Variants in METAP1D observed in about 807,000 individuals in gnomAD.
METAP1D encodes methionine aminopeptidase 1D, mitochondrial.
Under a neutral mutation model 40.5 loss-of-function variants are expected in METAP1D, and 31 were observed. The observed-to-expected ratio is 0.77, with a 90% CI of 0.58 to 1.03. METAP1D has a LOEUF of 1.03. METAP1D is among the 50% of genes least tolerant of loss of function. The probability of loss-of-function intolerance (pLI) is 0.00; values close to 1 mark genes in which losing one functional copy is unlikely to be tolerated. For missense variants in METAP1D, 411 were observed against 420.7 expected, an observed-to-expected ratio of 0.98 and a Z score of 0.20; for synonymous variants, 151 against 146.4, an observed-to-expected ratio of 1.03 and a Z score of -0.22.
intron 1 of METAP1D, among the ~76,000 whole-genome samples, chr2:172,021,146 G>A (rs553783137): frequency 7.2e-5 from 11 of 151,832 alleles, no homozygotes; most frequent in South Asian, 6.2e-4. Flanking sequence ...TCACTTCTTC[G>A]TTTTAATTTT....
chr2:172,045,243 A>C (rs1390699403), intron 1 of METAP1D, among the ~76,000 whole-genome samples: 1 of 134,526 alleles, frequency 7.4e-6, no homozygotes, highest in Non-Finnish European at 1.7e-5. Flanking sequence ...CTTGTAAAAA[A>C]CACATTATAT....
Position 172,065,632 on chromosome 2 carries a change from C to T in METAP1D, c.377C>T (p.Ala126Val). 6.2e-7 allele frequency: 1 copy of T among 1,613,832 alleles called. No homozygotes were observed. The highest frequency in any genetic ancestry group is 8.5e-7 in the Non-Finnish European group (1 of 1,179,872). The stretch of plus-strand genomic sequence containing the variant: ...GACATGACAACTGAAGAGATAGATG[C>T]TCTTGTTCATCGGGAAATCATCAGT... ...KVDMTTEEID[A>V]LVHREIISHN... The change falls in exon 4 of 10, where the codon GCT (alanine) becomes GTT (valine). Residue 126 changes from alanine to valine, a missense_variant. Ala to Val is a moderately conservative substitution (Grantham distance 64). Transcript: ENST00000315796.
intron 1 of METAP1D, among the ~76,000 whole-genome samples, chr2:172,017,749 C>G: frequency 6.6e-6 from 1 of 152,012 alleles, no homozygotes. Flanking sequence ...TGATAAGACC[C>G]AGTGAACTGT....
At chr2:172,074,688 T>C (rs1690503187) in intron 6 of METAP1D, among the ~76,000 whole-genome samples, 3 of 152,194 alleles carry the variant, frequency 2.0e-5, no homozygotes, top group Non-Finnish European at 4.4e-5. Context: ...TTCCTTTTCA[T>C]TAGAAGGAAT....
chr2:172,023,102 C>T (rs1348980294), intron 1 of METAP1D, among the ~76,000 whole-genome samples: 2 of 152,120 alleles, frequency 1.3e-5, no homozygotes, highest in Non-Finnish European at 2.9e-5. Context: ...GCAGGAGAAT[C>T]GCTTGAACCC....
intron 1 of METAP1D, among the ~76,000 whole-genome samples, chr2:172,005,088 G>A (rs1574083232): frequency 6.6e-6 from 1 of 151,750 alleles, no homozygotes; most frequent in Admixed American, 6.6e-5. Context: ...CTAATTTTTT[G>A]TTTTTTTCAT....
chr2:172,067,851 A>G (rs1184948989), intron 5 of METAP1D, among the ~76,000 whole-genome samples: 1 of 152,238 alleles, frequency 6.6e-6, no homozygotes, highest in Admixed American at 6.5e-5. Flanking sequence ...GAAGGAATCT[A>G]GGAAACATAT....
chr2:172,042,587 A>G lies in METAP1D; in HGVS notation c.41-18911A>G, dbSNP rs1327986799. ...TGCACATATATACATATATGTGTGT[A>G]TGTGTACATGTGCACATATATACAT... is the stretch of plus-strand genomic sequence containing the variant. On this transcript the variant is annotated intron_variant, in intron 1 of 9. Transcript: ENST00000315796. 2.5e-4 allele frequency among the ~76,000 whole-genome samples: 13 copies of G among 51,298 alleles called. 5 individuals carry two copies. The highest frequency in any genetic ancestry group is 8.8e-4 in the African/African-American group (13 of 14,856). 33.7% of individuals were successfully genotyped at this position (51,298 alleles called of 152,430 possible).
intron 3 of METAP1D, 55 bp downstream of exon 3, chr2:172,063,915 C>T (rs1690193121): frequency 6.7e-7 from 1 of 1,481,930 alleles, no homozygotes; most frequent in Non-Finnish European, 8.9e-7. Flanking sequence ...AAACACTCCT[C>T]TTTTTTTCCT....
chr2:172,050,753 A>C (rs1689868177), intron 1 of METAP1D, among the ~76,000 whole-genome samples: 1 of 152,096 alleles, frequency 6.6e-6, no homozygotes, highest in South Asian at 2.1e-4. Context: ...TTGTGCTTCT[A>C]CTCTGATGAG....
At chr2:172,011,390 T>C (rs1239265483) in intron 1 of METAP1D, among the ~76,000 whole-genome samples, 12 of 151,444 alleles carry the variant, frequency 7.9e-5, no homozygotes, top group Admixed American at 7.9e-4. Flanking sequence ...GTTCATGCCA[T>C]TCTCCTGCCT....
chr2:172,080,085 GAA>G, intron 8 of METAP1D, 41 bp from the exon 9 acceptor site: 1 of 1,519,696 alleles, frequency 6.6e-7, no homozygotes, highest in Non-Finnish European at 9.0e-7. Flanking sequence ...TGTTTAACAA[GAA>G]TCTGATGAGG....
At chr2:172,012,885 C>T (rs1688763403) in intron 1 of METAP1D, among the ~76,000 whole-genome samples, 1 of 152,084 alleles carries the variant, frequency 6.6e-6, no homozygotes, top group South Asian at 2.1e-4. Context: ...TCCCAGTGTT[C>T]ACTGAATACC....
At chr2:172,020,488 T>A (rs554150531) in intron 1 of METAP1D, among the ~76,000 whole-genome samples, 14 of 152,286 alleles carry the variant, frequency 9.2e-5, no homozygotes, top group African/African-American at 2.6e-4. Flanking sequence ...GGTAGATAAG[T>A]AGAAATAAGA....
At chr2:172,013,406 C>T (rs940610870) in intron 1 of METAP1D, among the ~76,000 whole-genome samples, 12 of 152,174 alleles carry the variant, frequency 7.9e-5, no homozygotes, top group Middle Eastern at 3.4e-3. Context: ...GAACTAGGAC[C>T]GGGGGCAGGA....
intron 1 of METAP1D, among the ~76,000 whole-genome samples, chr2:172,043,112 TATATA>T (rs1479300229): frequency 0.077 from 4,189 of 54,226 alleles, 974 homozygotes; most frequent in East Asian, 0.62. Context: ...TATATATATA[TATATA>T]TTTTTTGGGA....
At chr2:172,037,811 A>G (rs183633807) in intron 1 of METAP1D, among the ~76,000 whole-genome samples, 2 of 152,290 alleles carry the variant, frequency 1.3e-5, no homozygotes, top group East Asian at 3.9e-4. Context: ...GGGTGGCTGT[A>G]TTTGAGCTTG....
At chr2:172,018,785 C>T (rs1375702932) in intron 1 of METAP1D, among the ~76,000 whole-genome samples, 1 of 152,020 alleles carries the variant, frequency 6.6e-6, no homozygotes, top group Non-Finnish European at 1.5e-5. Context: ...ACCTTTCTGC[C>T]CTCCTATTTA....
intron 5 of METAP1D, among the ~76,000 whole-genome samples, chr2:172,067,137 T>C (rs757486585): frequency 1.3e-5 from 2 of 152,228 alleles, no homozygotes; most frequent in Non-Finnish European, 2.9e-5. Flanking sequence ...ACCTAGATTA[T>C]AAATAAATTC....
Sources: allele counts gnomAD v4.1 joint callset (sites outside exome capture counted in the v4.1 genomes callset), GRCh38; gene constraint gnomAD v4.1.1; transcripts MANE v1.5; gene names NCBI Gene and HGNC (gene_info 2026-07-23, HGNC 2026-07-21).